Variants in SMAP1 observed in about 807,000 individuals in gnomAD.
The protein encoded by SMAP1 is stromal membrane-associated protein 1.
Under a neutral mutation model 58.5 loss-of-function variants are expected in SMAP1, and 24 were observed. The ratio of observed to expected loss-of-function variants is 0.41; its 90% CI spans 0.30 to 0.58. The LOEUF (loss-of-function observed/expected upper bound fraction) is 0.58. SMAP1 is among the 20% of genes least tolerant of loss of function. The pLI is 0.29. For missense variants in SMAP1, 563 were observed against 566.3 expected, an observed-to-expected ratio of 0.99 and a Z score of 0.06; for synonymous variants, 216 against 196.6, an observed-to-expected ratio of 1.10 and a Z score of -0.82.
intron 3 of SMAP1, among the ~76,000 whole-genome samples, chr6:70,769,891 C>G (rs1387268423): frequency 1.3e-5 from 2 of 151,770 alleles, no homozygotes; most frequent in Non-Finnish European, 2.9e-5. Flanking sequence ...TGGCTGGTAC[C>G]GGTTGTTCCT....
chr6:70,856,774 T>G, intron 8 of SMAP1, 85 bp from the exon 9 acceptor site: 1 of 1,365,456 alleles, frequency 7.3e-7, no homozygotes, highest in Non-Finnish European at 9.8e-7. Flanking sequence ...CTATCTAATT[T>G]TATAACTTTA....
At chr6:70,822,581 T>G (rs1333440920) in intron 6 of SMAP1, among the ~76,000 whole-genome samples, 2 of 152,182 alleles carry the variant, frequency 1.3e-5, no homozygotes, top group African/African-American at 2.4e-5. Context: ...ACCTCAACTC[T>G]GTATCTTTGA....
intron 4 of SMAP1, among the ~76,000 whole-genome samples, chr6:70,784,327 G>C (rs541340982): frequency 6.6e-6 from 1 of 151,934 alleles, no homozygotes; most frequent in East Asian, 1.9e-4. Flanking sequence ...AGGAACAACC[G>C]GTACCAGCCA....
rs2149971309 is a variant in SMAP1 at position 70,812,285 on chromosome 6, G to T, written c.576+13548G>T. ...GTAAAATACACGATCGAGTGAATCA[G>T]AAATTAGCGTTTTCTTAATTATAAG... On this transcript the variant is annotated intron_variant, in intron 6 of 10. Transcript: ENST00000370455. Among the ~76,000 whole-genome samples, 2 of 152,284 alleles carry T rather than the reference G, an allele frequency of 1.3e-5. 1 individual carries two copies. Among genetic ancestry groups the T allele is most frequent in the East Asian group, 3.9e-4 (2 of 5,180 alleles).
At chr6:70,803,458 T>C (rs1459461817) in intron 6 of SMAP1, among the ~76,000 whole-genome samples, 1 of 152,188 alleles carries the variant, frequency 6.6e-6, no homozygotes, top group African/African-American at 2.4e-5. Context: ...CTGGATTCAT[T>C]GATTTTTTTG....
intron 1 of SMAP1, among the ~76,000 whole-genome samples, chr6:70,730,491 T>C (rs1450656589): frequency 1.3e-5 from 2 of 152,240 alleles, no homozygotes; most frequent in Non-Finnish European, 2.9e-5. Context: ...TAAATTGTTG[T>C]GTTAGAAATG....
At chr6:70,764,404 G>C (rs150409844) in intron 3 of SMAP1, among the ~76,000 whole-genome samples, 1 of 152,354 alleles carries the variant, frequency 6.6e-6, no homozygotes, top group East Asian at 1.9e-4. Context: ...GAGAAGTGAA[G>C]TCAATGCCTG....
intron 2 of SMAP1, among the ~76,000 whole-genome samples, chr6:70,739,198 A>T (rs1431392362): frequency 2.0e-5 from 3 of 152,194 alleles, no homozygotes. Flanking sequence ...GATATTGGTG[A>T]GTAATTAGAT....
intron 7 of SMAP1, among the ~76,000 whole-genome samples, chr6:70,845,544 G>A (rs1426523836): frequency 1.3e-5 from 2 of 152,226 alleles, no homozygotes; most frequent in African/African-American, 2.4e-5. Flanking sequence ...TTTGTACTAT[G>A]CAAACTTATT....
chr6:70,793,670 GAGAA>G (rs1768466650), intron 5 of SMAP1, among the ~76,000 whole-genome samples: 1 of 147,268 alleles, frequency 6.8e-6, no homozygotes, highest in Non-Finnish European at 1.5e-5. Context: ...GAGAGAGAGA[GAGAA>G]AGCTTAAAAA....
At chr6:70,833,064 C>T (rs1770428501) in intron 6 of SMAP1, among the ~76,000 whole-genome samples, 1 of 152,058 alleles carries the variant, frequency 6.6e-6, no homozygotes, top group Non-Finnish European at 1.5e-5. Context: ...TGAAGTCTTT[C>T]AAGAAAACTG....
rs1771665668 is a variant in SMAP1 at position 70,860,418 on chromosome 6, A to ATAT, written c.*86_*88dup. 2 of 1,487,772 alleles carry ATAT rather than the reference A, an allele frequency of 1.3e-6. No individual in the cohort carries two copies. Among genetic ancestry groups the ATAT allele is most frequent in the Non-Finnish European group, 9.0e-7 (1 of 1,109,740 alleles). The allele number at this position is 1,487,772 out of a possible 1,614,324, so 92.2% of individuals were successfully genotyped here. ...CTAGTTCCCCTGTTTATTCATATGCATATTTTTTTTCTTTTTACCCATTTG... is the reference window on the plus strand; with the variant it reads ...CTAGTTCCCCTGTTTATTCATATGCATATTATTTTTTTTCTTTTTACCCATTTG... On this transcript the variant is annotated 3_prime_UTR_variant, in exon 11 of 11. Coordinates refer to ENST00000370455, the MANE Select transcript of SMAP1 (RefSeq NM_001044305.3).
chr6:70,709,729 G>T (rs577979384), intron 1 of SMAP1, among the ~76,000 whole-genome samples: 103 of 152,078 alleles, frequency 6.8e-4, no homozygotes, highest in African/African-American at 2.2e-3. Context: ...AAATTTTACA[G>T]TTTTTTTCTT....
intron 4 of SMAP1, among the ~76,000 whole-genome samples, chr6:70,788,112 A>G (rs1035326578): frequency 1.3e-5 from 2 of 151,998 alleles, no homozygotes; most frequent in African/African-American, 2.4e-5. Context: ...ATGGAATACT[A>G]TGCAGCCATA....
At chr6:70,705,269 T>A (rs1286794889) in intron 1 of SMAP1, among the ~76,000 whole-genome samples, 2 of 150,546 alleles carry the variant, frequency 1.3e-5, no homozygotes, top group Non-Finnish European at 3.0e-5. Flanking sequence ...TTTTTTTTTT[T>A]AAGACAGAGT....
intron 1 of SMAP1, among the ~76,000 whole-genome samples, chr6:70,688,639 G>C (rs1767031184): frequency 6.6e-6 from 1 of 151,980 alleles, no homozygotes; most frequent in Admixed American, 6.6e-5. Flanking sequence ...AATAGATTTT[G>C]TTTTTTACTG....
rs567682654 is a variant in SMAP1, at chr6:70,828,913, G to A, written c.577-8028G>A. ...AAACAAAAATTAGCTGGGCATGGCG[G>A]TGCATGCCTATAGTTCCAGCTACTT... is the stretch of plus-strand genomic sequence containing the variant. On this transcript the variant is annotated intron_variant, in intron 6 of 10. Coordinates refer to ENST00000370455, the MANE Select transcript of SMAP1 (RefSeq NM_001044305.3). 3.0e-3 allele frequency among the ~76,000 whole-genome samples: 456 copies of A among 152,242 alleles called. 3 individuals are homozygous for A. The highest frequency in any genetic ancestry group is 0.01 in the African/African-American group (425 of 41,540).
At chr6:70,856,430 C>T (rs528399955) in intron 8 of SMAP1, among the ~76,000 whole-genome samples, 1 of 152,228 alleles carries the variant, frequency 6.6e-6, no homozygotes, top group African/African-American at 2.4e-5. Flanking sequence ...AAAGATAAAA[C>T]CTTTTAAGTA....
At chr6:70,800,848 G>A (rs773334900) in intron 6 of SMAP1, among the ~76,000 whole-genome samples, 6 of 152,004 alleles carry the variant, frequency 3.9e-5, no homozygotes, top group African/African-American at 1.2e-4. Flanking sequence ...ACATGAACTC[G>A]TCCTTTTGTT....
Sources: gnomAD v4.1 joint callset for allele counts (sites outside exome capture counted in the v4.1 genomes callset) on GRCh38, gnomAD v4.1.1 for gene constraint, MANE v1.5 for transcripts, NCBI Gene and HGNC (gene_info 2026-07-23, HGNC 2026-07-21) for gene names.